LLGL2: variants seen among roughly 807,000 people sequenced by gnomAD.
The protein encoded by LLGL2 is LLGL scribble cell polarity complex component 2, also known as LLGL2, scribble cell polarity complex component.
Under a neutral mutation model 123.2 loss-of-function variants are expected in LLGL2, and 81 were observed. The observed-to-expected ratio is 0.66, with a 90% CI of 0.55 to 0.79. LLGL2 has a LOEUF of 0.79. Ranked by LOEUF, LLGL2 falls within the 30% of genes least tolerant of loss-of-function variation. The probability of loss-of-function intolerance (pLI) is 0.00; values close to 1 mark genes in which losing one functional copy is unlikely to be tolerated. For synonymous variants in LLGL2, 577 were observed against 594.1 expected, an observed-to-expected ratio of 0.97 and a Z score of 0.42; for missense variants, 1,273 against 1,414.6, an observed-to-expected ratio of 0.90 and a Z score of 1.61.
intron 1 of LLGL2, among the ~76,000 whole-genome samples, chr17:75,534,808 C>T (rs547866389): frequency 6.6e-6 from 1 of 152,342 alleles, no homozygotes; most frequent in South Asian, 2.1e-4. Flanking sequence ...ACTGTTTGAG[C>T]TTGGGGCCAC....
chr17:75,556,222 T>G, intron 3 of LLGL2, 79 bp downstream of exon 3: 1 of 1,127,606 alleles, frequency 8.9e-7, no homozygotes, highest in Non-Finnish European at 1.3e-6. Flanking sequence ...TTTTCCTTCC[T>G]TGCCCGTGGG....
At chr17:75,556,225 C>A in intron 3 of LLGL2, 82 bp downstream of exon 3, 1 of 1,093,846 alleles carries the variant, frequency 9.1e-7, no homozygotes, top group Non-Finnish European at 1.4e-6. Flanking sequence ...TCCTTCCTTG[C>A]CCGTGGGCTG....
At chr17:75,534,350 G>T (rs997426890) in intron 1 of LLGL2, among the ~76,000 whole-genome samples, 2 of 152,262 alleles carry the variant, frequency 1.3e-5, no homozygotes, top group African/African-American at 4.8e-5. Flanking sequence ...ATAGATGGTG[G>T]GGGGAATGGA....
intron 1 of LLGL2, among the ~76,000 whole-genome samples, chr17:75,531,860 G>A (rs538590346): frequency 2.4e-4 from 37 of 152,206 alleles, no homozygotes; most frequent in African/African-American, 8.4e-4. Context: ...GAACCACAGC[G>A]AATTCTTGAG....
rs33986841 is a variant in LLGL2, at chr17:75,564,862, C to CAA, written c.1036+371_1036+372dup. Reference sequence around the variant, plus strand: ...TGGGTGACATAGCCAGACTGTGTCTCAAAAAAAAAAAAAAAAAGGGCTCTG... The same window carrying CAA: ...TGGGTGACATAGCCAGACTGTGTCTCAAAAAAAAAAAAAAAAAAAGGGCTCTG... On this transcript the variant is annotated intron_variant, in intron 10 of 25. Coordinates refer to ENST00000392550, the MANE Select transcript of LLGL2 (RefSeq NM_001031803.2). This position sits in a 1 kb window ranked among gnomAD's most constrained non-coding sequence, Gnocchi z 4.9. 0.066 allele frequency: 7,149 copies of CAA among 107,612 alleles called. 418 individuals carry two copies. The highest frequency in any genetic ancestry group is 0.15 in the African/African-American group (4,715 of 31,600). The allele number at this position is 107,612 out of a possible 1,614,324, so 6.7% of individuals were successfully genotyped here. A position where few individuals can be genotyped will look rare whatever the true frequency, so the allele number is the denominator to read the frequency against.
intron 10 of LLGL2, among the ~76,000 whole-genome samples, chr17:75,565,452 T>C (rs1258124094): frequency 1.3e-5 from 2 of 152,194 alleles, no homozygotes; most frequent in South Asian, 2.1e-4. Context: ...AAACCTGCTT[T>C]TCTTTCTTTC....
At chr17:75,525,463 T>C (rs567110451), upstream of LLGL2, among the ~76,000 whole-genome samples, 455 of 151,742 alleles carry the variant, frequency 3.0e-3, 3 homozygotes, top group African/African-American at 0.01. This position sits in a 1 kb window ranked among gnomAD's most constrained non-coding sequence, Gnocchi z 4.8. Context: ...GGCGCGCCGT[T>C]CTGCGTCCAG....
At position 75,570,973 on chromosome 17, in the gene LLGL2, T is replaced by A; in HGVS notation, c.2049T>A (p.Ala683=). 1 of 1,611,858 alleles carries A rather than the reference T, an allele frequency of 6.2e-7. No individual in the cohort carries two copies. The highest frequency in any genetic ancestry group is 8.5e-7 in the Non-Finnish European group (1 of 1,179,272). ...PGEAQEGSAK[A]ERPGLQNMEL... ...AGGCACAGGAGGGGAGTGCCAAGGC[T>A]GAGCGGCCAGGCCTCCAGAACATGG... The change falls in exon 17 of 26, where the codon GCT becomes GCA. Residue 683 remains alanine, a synonymous_variant. Coordinates refer to ENST00000392550, the MANE Select transcript of LLGL2 (RefSeq NM_001031803.2).
chr17:75,549,334 C>T lies in LLGL2; in HGVS notation c.75+5833C>T, dbSNP rs974728811. On this transcript the variant is annotated intron_variant, in intron 2 of 25. Coordinates refer to ENST00000392550, the MANE Select transcript of LLGL2 (RefSeq NM_001031803.2). The surrounding 1 kb of genome is among the most constrained non-coding windows in gnomAD (Gnocchi z 4.0). ...CCTAGACAACTGCTCACAGCCAGCT[C>T]GCTCCCCTCGGCCAAACCCAGGCAC... Among the ~76,000 whole-genome samples, 4 of 152,130 alleles carry T rather than the reference C, an allele frequency of 2.6e-5. No homozygotes were observed. The highest frequency in any genetic ancestry group is 5.9e-5 in the Non-Finnish European group (4 of 68,020).
At chr17:75,571,164 G>A in intron 17 of LLGL2, 64 bp downstream of exon 17, 2 of 1,464,312 alleles carry the variant, frequency 1.4e-6, no homozygotes, top group Non-Finnish European at 1.9e-6. Flanking sequence ...CCTGACCTGG[G>A]GGCATGCCGG....
intron 2 of LLGL2, among the ~76,000 whole-genome samples, chr17:75,555,660 G>A (rs554302821): frequency 2.0e-5 from 3 of 152,038 alleles, no homozygotes; most frequent in Non-Finnish European, 2.9e-5. Context: ...CCGAGAGACC[G>A]GTGTCTCCAT....
chr17:75,570,483 T>C lies in LLGL2; in HGVS notation c.2010T>C (p.Ala670=). ...TGTCCAGCCGGAAGCGGCACCCGGC[T>C]GGCCCCCCAGGAGAGGTGAGGCCTG... ...SRVSSRKRHP[A]GPPGEAQEGS... is the part of the protein sequence containing the mutation. Residue 670 remains alanine (A), a synonymous_variant, in exon 16 of 26, where the codon GCT becomes GCC. Coordinates refer to ENST00000392550, the MANE Select transcript of LLGL2 (RefSeq NM_001031803.2). The C allele has an allele frequency of 6.3e-7, 1 of 1,576,440 alleles. No individual in the cohort carries two copies. The highest frequency in any genetic ancestry group is 8.6e-7 in the Non-Finnish European group (1 of 1,162,292).
At chr17:75,555,119 G>A (rs62089183) in intron 2 of LLGL2, among the ~76,000 whole-genome samples, 63,993 of 149,444 alleles carry the variant, frequency 0.43, 15,961 homozygotes, top group South Asian at 0.61. Flanking sequence ...GGAGCTTGCA[G>A]TGAGCCGAGA....
intron 19 of LLGL2, among the ~76,000 whole-genome samples, chr17:75,572,635 A>G (rs2055771260): frequency 6.9e-6 from 1 of 145,768 alleles, no homozygotes; most frequent in Non-Finnish European, 1.5e-5. Context: ...ACTGCCCTCC[A>G]GCCTGGGCGA....
chr17:75,559,524 G>C lies in LLGL2; in HGVS notation c.530+114G>C. 1 of 1,347,378 alleles carries C rather than the reference G, an allele frequency of 7.4e-7. No homozygotes were observed. Among genetic ancestry groups the C allele is most frequent in the African/African-American group, 1.5e-5 (1 of 68,482 alleles). The allele number at this position is 1,347,378 out of a possible 1,614,324, so 83.5% of individuals were successfully genotyped here. A position where few individuals can be genotyped will look rare whatever the true frequency, so the allele number is the denominator to read the frequency against. ...TCATTTCTCTGCTGGGAATTCCATG[G>C]GGCTATAGCAGGGGAGGCTCTTGGC... On this transcript the variant is annotated intron_variant, in intron 6 of 25. Coordinates refer to ENST00000392550, the MANE Select transcript of LLGL2 (RefSeq NM_001031803.2). The surrounding 1 kb of genome is among the most constrained non-coding windows in gnomAD (Gnocchi z 4.6).
chr17:75,526,552 G>T (rs559531575), intron 1 of LLGL2, among the ~76,000 whole-genome samples: 2 of 152,302 alleles, frequency 1.3e-5, no homozygotes, highest in African/African-American at 4.8e-5. Context: ...GCTGTGGGGA[G>T]AACTGACCTA....
chr17:75,561,462 T>C (rs1620378), intron 6 of LLGL2, among the ~76,000 whole-genome samples: 74,047 of 151,740 alleles, frequency 0.49, 21,777 homozygotes, highest in African/African-American at 0.84. Flanking sequence ...CTGTCTCTCC[T>C]CACAAAAAAT....
At position 75,544,796 on chromosome 17, in the gene LLGL2, G is replaced by C. The variant is rs897820516; in HGVS notation, c.75+1295G>C. ...CTGTGTTTCTTAGCCTGTGGGAGGA[G>C]TTGGTGTCCCTGATGGAGCTTTGCC... On this transcript the variant is annotated intron_variant, in intron 2 of 25. Coordinates refer to ENST00000392550, the MANE Select transcript of LLGL2 (RefSeq NM_001031803.2). This position sits in a 1 kb window ranked among gnomAD's most constrained non-coding sequence, Gnocchi z 4.2. Among the ~76,000 whole-genome samples the C allele has an allele frequency of 2.0e-5, 3 of 152,204 alleles. No individual in the cohort carries two copies. The highest frequency in any genetic ancestry group is 2.1e-4 in the South Asian group (1 of 4,834).
intron 19 of LLGL2, 91 bp from the exon 20 acceptor site, chr17:75,572,923 G>A (rs2055791146): frequency 7.6e-6 from 11 of 1,452,204 alleles, no homozygotes; most frequent in Non-Finnish European, 9.3e-6. Flanking sequence ...GACACCGGGA[G>A]GCATGTGGGG....
Sources: gnomAD v4.1 joint callset for allele counts (sites outside exome capture counted in the v4.1 genomes callset) on GRCh38, gnomAD v4.1.1 for gene constraint, Gnocchi (gnomAD v3.1) non-coding constraint, MANE v1.5 for transcripts, NCBI Gene and HGNC (gene_info 2026-07-23, HGNC 2026-07-21) for gene names.